ANKRD13A: variants seen among roughly 807,000 people sequenced by gnomAD.
ANKRD13A encodes ankyrin repeat domain-containing protein 13A.
Under a neutral mutation model 81.3 loss-of-function variants are expected in ANKRD13A, and 48 were observed. That is an observed-to-expected ratio of 0.59 (90% CI 0.47 to 0.75). The LOEUF is 0.75. ANKRD13A is among the 30% of genes least tolerant of loss of function. The pLI, the probability that ANKRD13A is intolerant of heterozygous loss-of-function variation, is 0.00. For missense variants in ANKRD13A, 612 were observed against 734.0 expected (o/e 0.83, Z 1.92); for synonymous variants, 230 against 270.1 (o/e 0.85, Z 1.45).
chr12:110,014,941 G>A (rs933507551), intron 3 of ANKRD13A, among the ~76,000 whole-genome samples: 3 of 151,810 alleles, frequency 2.0e-5, no homozygotes, highest in Non-Finnish European at 4.4e-5. Flanking sequence ...CCACCACCGC[G>A]CCCGGCTAAT....
chr12:110,007,102 C>A (rs1194340988), intron 1 of ANKRD13A, among the ~76,000 whole-genome samples: 1 of 152,152 alleles, frequency 6.6e-6, no homozygotes, highest in African/African-American at 2.4e-5. Context: ...ATTGCTGTAG[C>A]TTTGTGTAGT....
rs994714908 is a variant in ANKRD13A, at chr12:110,038,264, C to T, written c.*710C>T. The T allele has an allele frequency of 5.9e-5, 9 of 152,654 alleles. No homozygotes were observed. The highest frequency in any genetic ancestry group is 1.9e-4 in the East Asian group (1 of 5,206). The allele number at this position is 152,654 out of a possible 1,614,324, so 9.5% of individuals were successfully genotyped here. ...TTTCACATCACCTCACTGCACGCAT[C>T]GAAGGATCTGATTTGAATTTGTAAA... On this transcript the variant is annotated 3_prime_UTR_variant, in exon 15 of 15. Coordinates refer to ENST00000261739, the MANE Select transcript of ANKRD13A (RefSeq NM_033121.2).
chr12:110,033,996 G>A, intron 13 of ANKRD13A, 39 bp downstream of exon 13: 1 of 1,551,958 alleles, frequency 6.4e-7, no homozygotes. Context: ...GGGCGTGGGA[G>A]GTCTTACCCT....
Position 110,012,091 on chromosome 12 carries a change from C to T in ANKRD13A, c.183C>T (p.Leu61=). The T allele has an allele frequency of 1.9e-6, 3 of 1,613,328 alleles. No homozygotes were observed. The highest frequency in any genetic ancestry group is 2.5e-6 in the Non-Finnish European group (3 of 1,179,358). The change falls in exon 2 of 15, where the codon CTC becomes CTT. Residue 61 remains leucine, a synonymous_variant. Coordinates refer to ENST00000261739, the MANE Select transcript of ANKRD13A (RefSeq NM_033121.2). The part of the protein sequence containing the change: ...LGHLESARVL[L]RHKADVTKEN... ...ATTTGGAATCTGCTCGAGTCTTACT[C>T]CGACATAAAGCAGATGTGACAAAAG...
rs369381433 is a variant in ANKRD13A, at chr12:109,999,908, G to A, written c.96+124G>A. 9.1e-5 allele frequency: 75 copies of A among 823,196 alleles called. No homozygotes were observed. In the East Asian group the frequency reaches 1.5e-3, roughly 16 times the overall value. 51.0% of individuals were successfully genotyped at this position (823,196 alleles called of 1,614,324 possible). A position where few individuals can be genotyped will look rare whatever the true frequency, so the allele number is the denominator to read the frequency against. On this transcript the variant is annotated intron_variant, in intron 1 of 14. Coordinates refer to ENST00000261739, the MANE Select transcript of ANKRD13A (RefSeq NM_033121.2). The surrounding 1 kb of genome is among the most constrained non-coding windows in gnomAD (Gnocchi z 4.3). ...ATCCCCAGACCCCTTCCACTTTGCA[G>A]GTGTGGGACAGTCCTAATAATAGGA...
chr12:110,019,162 G>A lies in ANKRD13A; in HGVS notation c.568G>A (p.Val190Ile). 1 of 1,604,846 alleles carries A rather than the reference G, an allele frequency of 6.2e-7. No homozygotes were observed. The highest frequency in any genetic ancestry group is 8.5e-7 in the Non-Finnish European group (1 of 1,174,464). Residue 190 changes from valine to isoleucine, a missense_variant, in exon 6 of 15, where the codon GTC becomes ATC. Coordinates refer to ENST00000261739, the MANE Select transcript of ANKRD13A (RefSeq NM_033121.2). ...GEDNWAELME[V>I]NHDDKVVTTE... The stretch of plus-strand genomic sequence containing the variant: ...AGACAACTGGGCGGAGTTAATGGAA[G>A]TCAACCATGATGACAAAGTGGTCAC...
chr12:110,024,241 T>C, intron 7 of ANKRD13A, 129 bp downstream of exon 7: 1 of 802,138 alleles, frequency 1.2e-6, no homozygotes, highest in Middle Eastern at 3.9e-4. Flanking sequence ...CTGTCTAATG[T>C]GTCTCTCACT....
chr12:110,036,379 A>T lies in ANKRD13A; in HGVS notation c.1577+51A>T. The T allele has an allele frequency of 6.4e-7, 1 of 1,565,698 alleles. No homozygotes were observed. Among genetic ancestry groups the T allele is most frequent in the Non-Finnish European group, 8.8e-7 (1 of 1,136,284 alleles). On this transcript the variant is annotated intron_variant, in intron 14 of 14. Transcript: ENST00000261739. This position sits in a 1 kb window ranked among gnomAD's most constrained non-coding sequence, Gnocchi z 4.6. ...TAAACCAGGGTGAACACAGGCCTGG[A>T]CACAGGCGAGCAGACGCGTGGCACT... is the stretch of plus-strand genomic sequence containing the variant.
In ANKRD13A at chr12:109,999,905, G is replaced by A. The variant is rs1889861821; in HGVS notation, c.96+121G>A. 4.6e-6 allele frequency: 4 copies of A among 866,268 alleles called. No homozygotes were observed. Among genetic ancestry groups the A allele is most frequent in the Non-Finnish European group, 5.0e-6 (3 of 594,448 alleles). 53.7% of individuals were successfully genotyped at this position (866,268 alleles called of 1,614,324 possible). On this transcript the variant is annotated intron_variant, in intron 1 of 14. Transcript: ENST00000261739. The surrounding 1 kb of genome is among the most constrained non-coding windows in gnomAD (Gnocchi z 4.3). ...GGGATCCCCAGACCCCTTCCACTTT[G>A]CAGGTGTGGGACAGTCCTAATAATA...
At chr12:110,035,679 AC>A (rs1218274338) in intron 13 of ANKRD13A, among the ~76,000 whole-genome samples, 2 of 151,980 alleles carry the variant, frequency 1.3e-5, no homozygotes, top group African/African-American at 2.4e-5. Flanking sequence ...CAAACTCCAG[AC>A]CTCAAGTGAT....
chr12:110,026,069 C>T (rs1473322977), intron 8 of ANKRD13A, among the ~76,000 whole-genome samples: 1 of 151,590 alleles, frequency 6.6e-6, no homozygotes. Flanking sequence ...TCAAGTGATT[C>T]TCCTGCCTCA....
At chr12:110,015,514 C>T (rs552029456) in intron 3 of ANKRD13A, among the ~76,000 whole-genome samples, 1 of 152,276 alleles carries the variant, frequency 6.6e-6, no homozygotes, top group African/African-American at 2.4e-5. Flanking sequence ...TGACTTTTAT[C>T]CCCCTCCAAT....
At position 110,016,445 on chromosome 12, in the gene ANKRD13A, TG is replaced by T; in HGVS notation, c.400+15del. ...ATTCACCAGCTGGGGTGAGTGGCTGTGGGCTCGTTATTTATTTCTCTTTCTA... is the reference window on the plus strand; with the variant it reads ...ATTCACCAGCTGGGGTGAGTGGCTGTGGCTCGTTATTTATTTCTCTTTCTA... On this transcript the variant is annotated intron_variant, in intron 4 of 14. Coordinates refer to ENST00000261739, the MANE Select transcript of ANKRD13A (RefSeq NM_033121.2). The T allele has an allele frequency of 6.3e-7, 1 of 1,581,504 alleles. No individual in the cohort carries two copies. The highest frequency in any genetic ancestry group is 8.6e-7 in the Non-Finnish European group (1 of 1,160,044).
At chr12:110,003,896 C>T (rs57109511) in intron 1 of ANKRD13A, among the ~76,000 whole-genome samples, 86 of 152,180 alleles carry the variant, frequency 5.7e-4, no homozygotes, top group African/African-American at 1.9e-3. Flanking sequence ...CGGTGGCTCA[C>T]GCCTGTACTC....
In ANKRD13A at chr12:110,001,248, TG is replaced by T. The variant is rs573354434; in HGVS notation, c.96+1465del. ...TGGTTTTTGAATGGCTCAAAATTGGTGCTATAATTGTCAAGAAATTGTAGAG... is the reference window on the plus strand; with the variant it reads ...TGGTTTTTGAATGGCTCAAAATTGGTCTATAATTGTCAAGAAATTGTAGAG... On this transcript the variant is annotated intron_variant, in intron 1 of 14. Coordinates refer to ENST00000261739, the MANE Select transcript of ANKRD13A (RefSeq NM_033121.2). 1.6e-3 allele frequency among the ~76,000 whole-genome samples: 244 copies of T among 151,662 alleles called. 2 individuals carry two copies. Among genetic ancestry groups the T allele is most frequent in the Non-Finnish European group, 3.1e-3 (209 of 67,934 alleles).
At chr12:110,037,193 C>T (rs1892111762) in intron 14 of ANKRD13A, among the ~76,000 whole-genome samples, 166 bp from the exon 15 acceptor site, 1 of 152,186 alleles carries the variant, frequency 6.6e-6, no homozygotes, top group Admixed American at 6.5e-5. Flanking sequence ...GGGTTTCTCA[C>T]CCGTATACAA....
chr12:110,012,531 C>T (rs1289091307), intron 2 of ANKRD13A, among the ~76,000 whole-genome samples: 1 of 152,100 alleles, frequency 6.6e-6, no homozygotes, highest in Non-Finnish European at 1.5e-5. Context: ...GGCCAGAAAC[C>T]CTCGGTAGAG....
rs771467743 is a variant in ANKRD13A at position 110,018,126 on chromosome 12, T to C, written c.401-219T>C. ...CAGGATCAAGAATACTCTTGGGAAA[T>C]TTATTTAGACTTTTTTTCTGGTGAA... On this transcript the variant is annotated intron_variant, in intron 4 of 14. Transcript: ENST00000261739. This position sits in a 1 kb window ranked among gnomAD's most constrained non-coding sequence, Gnocchi z 4.4. Among the ~76,000 whole-genome samples, 1 of 152,096 alleles carries C rather than the reference T, an allele frequency of 6.6e-6. No homozygotes were observed. The highest frequency in any genetic ancestry group is 1.5e-5 in the Non-Finnish European group (1 of 68,008).
At chr12:110,025,099 T>C (rs1271701500) in intron 7 of ANKRD13A, among the ~76,000 whole-genome samples, 1 of 152,256 alleles carries the variant, frequency 6.6e-6, no homozygotes, top group Non-Finnish European at 1.5e-5. Context: ...CTCACGCCTG[T>C]AATCCCAGCA....
Sources: allele counts gnomAD v4.1 joint callset (sites outside exome capture counted in the v4.1 genomes callset), GRCh38; gene constraint gnomAD v4.1.1; non-coding constraint Gnocchi (gnomAD v3.1); transcripts MANE v1.5; gene names NCBI Gene and HGNC (gene_info 2026-07-23, HGNC 2026-07-21).